SUGCT: variants seen among roughly 807,000 people sequenced by gnomAD.
SUGCT encodes the protein succinyl-CoA:glutarate CoA-transferase.
SUGCT carries 41 observed loss-of-function variants against 55.0 expected under a neutral mutation model. The ratio of observed to expected loss-of-function variants is 0.74; its 90% CI spans 0.58 to 0.97. The LOEUF is 0.97. SUGCT is among the 50% of genes least tolerant of loss of function. The pLI, the probability that SUGCT is intolerant of heterozygous loss-of-function variation, is 0.00. For synonymous variants in SUGCT, 187 were observed against 200.4 expected (o/e 0.93, Z 0.56); for missense variants, 568 against 547.8 (o/e 1.04, Z -0.37).
intron 1 of SUGCT, among the ~76,000 whole-genome samples, chr7:40,151,921 G>T (rs1189394248): frequency 6.6e-6 from 1 of 152,156 alleles, no homozygotes; most frequent in African/African-American, 2.4e-5. Flanking sequence ...GATTGGATGG[G>T]TCAGAGATGA....
chr7:40,619,054 C>T (rs1799146115), intron 12 of SUGCT, among the ~76,000 whole-genome samples: 1 of 152,196 alleles, frequency 6.6e-6, no homozygotes, highest in Admixed American at 6.5e-5. Flanking sequence ...TCTACCTCCT[C>T]TCCCACTCTG....
At chr7:40,990,686 G>A in the SUGCT span, among the ~76,000 whole-genome samples, 1 of 152,314 alleles carries the variant, frequency 6.6e-6, no homozygotes, top group East Asian at 1.9e-4. Flanking sequence ...TTTGTTTAGT[G>A]TAGCTACCTT....
intron 13 of SUGCT, among the ~76,000 whole-genome samples, chr7:40,767,151 A>G (rs1390267072): frequency 6.6e-6 from 1 of 152,186 alleles, no homozygotes; most frequent in Non-Finnish European, 1.5e-5. Flanking sequence ...GTCTACTTAA[A>G]CCACAACACT....
chr7:40,839,530 G>C (rs1356198101), intron 13 of SUGCT, among the ~76,000 whole-genome samples: 1 of 152,090 alleles, frequency 6.6e-6, no homozygotes. Flanking sequence ...TGAAACCATA[G>C]AAACCTAGAA....
intron 9 of SUGCT, 146 bp from the exon 10 acceptor site, chr7:40,449,141 C>T (rs939997525): frequency 6.8e-6 from 4 of 591,558 alleles, no homozygotes; most frequent in Non-Finnish European, 5.9e-6. Context: ...TATATGTATA[C>T]ATATATGAAA....
the SUGCT span, among the ~76,000 whole-genome samples, chr7:40,881,262 A>C: frequency 6.6e-6 from 1 of 152,160 alleles, no homozygotes; most frequent in Non-Finnish European, 1.5e-5. Flanking sequence ...TGCTATATAG[A>C]ACACAACTCT....
intron 9 of SUGCT, among the ~76,000 whole-genome samples, chr7:40,331,023 G>A (rs1796282663): frequency 6.6e-6 from 1 of 151,732 alleles, no homozygotes; most frequent in Non-Finnish European, 1.5e-5. Flanking sequence ...AATTGTCTTG[G>A]GCCACACATA....
chr7:40,783,560 T>A (rs1472791252), intron 13 of SUGCT: 1 of 152,002 alleles, frequency 6.6e-6, no homozygotes, highest in Non-Finnish European at 1.5e-5. Flanking sequence ...GGAGAAGGCA[T>A]AAGAGTCAGA....
At chr7:40,434,132 C>T (rs1044047650) in intron 9 of SUGCT, among the ~76,000 whole-genome samples, 1 of 152,118 alleles carries the variant, frequency 6.6e-6, no homozygotes, top group Non-Finnish European at 1.5e-5. Flanking sequence ...CTGCTGTTAA[C>T]TTACTTTGGA....
At chr7:40,839,241 G>C (rs185945062) in intron 13 of SUGCT, among the ~76,000 whole-genome samples, 1 of 152,036 alleles carries the variant, frequency 6.6e-6, no homozygotes, top group East Asian at 1.9e-4. Flanking sequence ...CTAGTTTTGA[G>C]ACCATATTTT....
chr7:40,335,669 G>A (rs1235347223), intron 9 of SUGCT, among the ~76,000 whole-genome samples: 4 of 152,132 alleles, frequency 2.6e-5, no homozygotes, highest in Admixed American at 6.6e-5. Context: ...GGGTTTTCTA[G>A]ATATACAATC....
intron 8 of SUGCT, among the ~76,000 whole-genome samples, chr7:40,287,201 T>A (rs1042076610): frequency 5.3e-5 from 8 of 152,218 alleles, no homozygotes; most frequent in Non-Finnish European, 8.8e-5. Flanking sequence ...TCATTTTTTT[T>A]AATCTTACAA....
chr7:40,457,007 A>ATTATTTT (rs1475779138), intron 10 of SUGCT, among the ~76,000 whole-genome samples: 4 of 151,856 alleles, frequency 2.6e-5, no homozygotes, highest in Admixed American at 6.6e-5. Context: ...ATGGGTCTTC[A>ATTATTTT]TTATTTTTTC....
chr7:40,847,238 AC>A (rs1793602388), intron 13 of SUGCT, among the ~76,000 whole-genome samples: 1 of 137,418 alleles, frequency 7.3e-6, no homozygotes, highest in African/African-American at 2.6e-5. Context: ...TCTTAAAACA[AC>A]ACAAATGTAT....
At chr7:40,185,196 T>C (rs1272481434) in intron 3 of SUGCT, among the ~76,000 whole-genome samples, 2 of 152,200 alleles carry the variant, frequency 1.3e-5, no homozygotes, top group Non-Finnish European at 2.9e-5. Flanking sequence ...TTGTTTTTTT[T>C]CTTTAAAGCT....
At chr7:40,464,611 C>T (rs1240292696) in intron 11 of SUGCT, among the ~76,000 whole-genome samples, 4 of 152,170 alleles carry the variant, frequency 2.6e-5, no homozygotes, top group Admixed American at 1.3e-4. Context: ...AAGTGGTACA[C>T]ATTCATTAGA....
At chr7:40,223,390 T>G (rs1255783961) in intron 6 of SUGCT, among the ~76,000 whole-genome samples, 1 of 152,210 alleles carries the variant, frequency 6.6e-6, no homozygotes, top group African/African-American at 2.4e-5. Context: ...AGTTGTGGAA[T>G]CAACTGTTTA....
the SUGCT span, among the ~76,000 whole-genome samples, chr7:40,979,176 T>C: frequency 6.6e-6 from 1 of 152,118 alleles, no homozygotes; most frequent in Non-Finnish European, 1.5e-5. Flanking sequence ...GTTTCCCCCT[T>C]AGCATTTCCC....
intron 13 of SUGCT, among the ~76,000 whole-genome samples, chr7:40,802,685 T>G (rs1790887654): frequency 6.6e-6 from 1 of 152,186 alleles, no homozygotes; most frequent in African/African-American, 2.4e-5. Flanking sequence ...CAGGCTCATT[T>G]AACTTACCCA....
Sources: gnomAD v4.1 joint callset for allele counts (sites outside exome capture counted in the v4.1 genomes callset) on GRCh38, gnomAD v4.1.1 for gene constraint, MANE v1.5 for transcripts, NCBI Gene and HGNC (gene_info 2026-07-23, HGNC 2026-07-21) for gene names.